The following EPHA6 variants were observed in gnomAD, a reference collection of about 807,000 sequenced individuals.
The protein encoded by EPHA6 is ephrin type-A receptor 6.
Under a neutral mutation model 112.0 loss-of-function variants are expected in EPHA6, and 50 were observed. The observed-to-expected ratio is 0.45, with a 90% CI of 0.36 to 0.56. The LOEUF (loss-of-function observed/expected upper bound fraction) is 0.56. Ranked by LOEUF, EPHA6 falls within the 20% of genes least tolerant of loss-of-function variation. The pLI is 0.00. For missense variants in EPHA6, 1,280 were observed against 1,417.4 expected (o/e 0.90, Z 1.56); for synonymous variants, 529 against 490.7 (o/e 1.08, Z -1.03).
chr3:96,963,847 G>T (rs1305321844), intron 2 of EPHA6, among the ~76,000 whole-genome samples: 1 of 152,066 alleles, frequency 6.6e-6, no homozygotes. Context: ...ATATTTCAAA[G>T]ATGCTATAAA....
chr3:97,618,862 A>T (rs888736330), intron 13 of EPHA6, among the ~76,000 whole-genome samples: 1 of 152,106 alleles, frequency 6.6e-6, no homozygotes, highest in Non-Finnish European at 1.5e-5. Context: ...ATTCCTACTG[A>T]AACAATACTA....
intron 1 of EPHA6, among the ~76,000 whole-genome samples, chr3:96,824,169 AT>A (rs200561164): frequency 0.032 from 4,830 of 151,752 alleles, 238 homozygotes; most frequent in African/African-American, 0.11. Context: ...CCAGCAATCT[AT>A]TTGTTTTCTT....
intron 15 of EPHA6, among the ~76,000 whole-genome samples, chr3:97,727,678 A>G (rs1024382233): frequency 3.3e-5 from 5 of 152,070 alleles, no homozygotes; most frequent in African/African-American, 1.2e-4. Context: ...ATACAGAGGA[A>G]TTTTTACATT....
chr3:97,194,207 T>TA (rs1401721523), intron 3 of EPHA6, among the ~76,000 whole-genome samples: 1 of 151,974 alleles, frequency 6.6e-6, no homozygotes, highest in Non-Finnish European at 1.5e-5. Flanking sequence ...TGCTTATTGC[T>TA]ATCAATCTCT....
chr3:97,281,107 C>A (rs779561363), intron 5 of EPHA6, among the ~76,000 whole-genome samples: 8 of 151,978 alleles, frequency 5.3e-5, no homozygotes, highest in Non-Finnish European at 1.2e-4. Context: ...TCAGATGACA[C>A]TAGAGAGGTG....
chr3:97,444,621 A>G (rs2090263413), intron 6 of EPHA6, among the ~76,000 whole-genome samples: 1 of 152,166 alleles, frequency 6.6e-6, no homozygotes, highest in Non-Finnish European at 1.5e-5. Flanking sequence ...TAATAGAAGC[A>G]GAATCAAGAT....
chr3:97,360,280 T>C (rs1008633497), intron 5 of EPHA6, among the ~76,000 whole-genome samples: 2 of 152,190 alleles, frequency 1.3e-5, no homozygotes, highest in African/African-American at 4.8e-5. Context: ...AATATTGCAA[T>C]TCTTCAGTAG....
intron 3 of EPHA6, among the ~76,000 whole-genome samples, chr3:97,012,244 T>C (rs922814073): frequency 6.6e-6 from 1 of 152,098 alleles, no homozygotes; most frequent in Non-Finnish European, 1.5e-5. Flanking sequence ...CTGCTTTCCA[T>C]GGTGGCTGAA....
chr3:97,559,917 C>G (rs1226040304), intron 11 of EPHA6, among the ~76,000 whole-genome samples: 1 of 151,670 alleles, frequency 6.6e-6, no homozygotes, highest in Non-Finnish European at 1.5e-5. Flanking sequence ...AAACTAATCA[C>G]CATAAAATTT....
intron 5 of EPHA6, among the ~76,000 whole-genome samples, chr3:97,278,155 T>C (rs2080159804): frequency 6.6e-6 from 1 of 152,238 alleles, no homozygotes; most frequent in Admixed American, 6.5e-5. Flanking sequence ...TTTCATTTCC[T>C]CTCTGATTTT....
chr3:97,207,743 C>T (rs2077752016), intron 3 of EPHA6, among the ~76,000 whole-genome samples: 1 of 152,092 alleles, frequency 6.6e-6, no homozygotes, highest in African/African-American at 2.4e-5. Context: ...GGATTTATAG[C>T]TTTATAATAG....
At chr3:96,952,113 AG>A (rs2041566876) in intron 2 of EPHA6, among the ~76,000 whole-genome samples, 1 of 152,172 alleles carries the variant, frequency 6.6e-6, no homozygotes, top group Non-Finnish European at 1.5e-5. Context: ...CCATTGTACT[AG>A]GAAGAGACCA....
intron 3 of EPHA6, among the ~76,000 whole-genome samples, chr3:97,039,273 G>A (rs905402591): frequency 6.6e-5 from 10 of 152,024 alleles, no homozygotes; most frequent in African/African-American, 2.4e-4. Context: ...AAATGATAGT[G>A]TAGGAAGTAT....
chr3:97,654,294 G>T (rs1446434365), intron 14 of EPHA6, among the ~76,000 whole-genome samples: 1 of 151,664 alleles, frequency 6.6e-6, no homozygotes, highest in Non-Finnish European at 1.5e-5. Flanking sequence ...AAAAGCGCTG[G>T]GGAGAAAACA....
chr3:97,375,250 G>A (rs1157889603), intron 5 of EPHA6, among the ~76,000 whole-genome samples: 2 of 152,124 alleles, frequency 1.3e-5, no homozygotes, highest in East Asian at 3.9e-4. Context: ...TTCAGAAACA[G>A]TTGTCTTAAT....
intron 6 of EPHA6, among the ~76,000 whole-genome samples, chr3:97,426,065 C>T (rs2089095329): frequency 6.6e-6 from 1 of 152,180 alleles, no homozygotes; most frequent in Non-Finnish European, 1.5e-5. Flanking sequence ...GTCTTCTGAG[C>T]CCTCTAAACT....
intron 11 of EPHA6, among the ~76,000 whole-genome samples, chr3:97,541,183 A>G (rs1304905827): frequency 1.3e-5 from 2 of 152,194 alleles, no homozygotes; most frequent in African/African-American, 4.8e-5. Context: ...ATTTAATCCA[A>G]TGATGACATT....
intron 4 of EPHA6, among the ~76,000 whole-genome samples, chr3:97,239,093 A>G (rs2078766108): frequency 6.6e-6 from 1 of 151,970 alleles, no homozygotes; most frequent in Non-Finnish European, 1.5e-5. Context: ...AAGCATATCA[A>G]AGATAATCAG....
chr3:96,960,194 T>C (rs1406434134), intron 2 of EPHA6, among the ~76,000 whole-genome samples: 2 of 152,144 alleles, frequency 1.3e-5, no homozygotes, highest in Non-Finnish European at 2.9e-5. Context: ...CTACATTTAG[T>C]TGATGTGCTC....
Sources: gnomAD v4.1 joint callset for allele counts (sites outside exome capture counted in the v4.1 genomes callset) on GRCh38, gnomAD v4.1.1 for gene constraint, MANE v1.5 for transcripts, NCBI Gene and HGNC (gene_info 2026-07-23, HGNC 2026-07-21) for gene names.